Variants in TBX18 observed in about 807,000 individuals in gnomAD.
TBX18 encodes T-box transcription factor 18, also known as T-box transcription factor TBX18.
Under a neutral mutation model 55.0 loss-of-function variants are expected in TBX18, and 21 were observed. The observed-to-expected ratio is 0.38, with a 90% confidence interval of 0.27 to 0.55. The LOEUF is 0.55. Among genes scored for constraint, TBX18 ranks in the 20% least tolerant of loss-of-function variants. TBX18 has a pLI of 0.73. For missense variants in TBX18, 840 were observed against 799.6 expected, an observed-to-expected ratio of 1.05 and a Z score of -0.61; for synonymous variants, 342 against 326.1, an observed-to-expected ratio of 1.05 and a Z score of -0.53.
chr6:84,744,118 T>C lies in TBX18; in HGVS notation c.1004+143A>G, dbSNP rs1767119002. ...GACACCATTACACTACAAAAATAAG[T>C]TATCTCCGAGGCACAACAGTCCTCA... On this transcript the variant is annotated intron_variant, in intron 6 of 7. Transcript: ENST00000369663. 4.0e-6 allele frequency: 3 copies of C among 747,218 alleles called. No homozygotes were observed. The East Asian group carries it at 8.3e-5, about 21-fold the overall frequency. The allele number at this position is 747,218 out of a possible 1,614,324, so 46.3% of individuals were successfully genotyped here.
At chr6:84,738,066 A>G (rs926707042) in intron 7 of TBX18, among the ~76,000 whole-genome samples, 2 of 152,162 alleles carry the variant, frequency 1.3e-5, no homozygotes, top group Admixed American at 6.5e-5. Context: ...TGAGCCCAGG[A>G]GGGTCTGCCT....
rs1232831436 is a variant in TBX18, at chr6:84,733,187, G to A, written c.*3498C>T. ...AAGTTTATATATCTGTTGAATGTTT[G>A]TATACTTGAATATATTTGTCGATTT... On this transcript the variant is annotated 3_prime_UTR_variant, in exon 8 of 8. Transcript: ENST00000369663. 2 of 152,130 alleles carry A rather than the reference G, an allele frequency of 1.3e-5. No homozygotes were observed. The highest frequency in any genetic ancestry group is 6.6e-5 in the Admixed American group (1 of 15,260). 9.4% of individuals were successfully genotyped at this position (152,130 alleles called of 1,614,324 possible).
intron 5 of TBX18, among the ~76,000 whole-genome samples, chr6:84,747,353 T>C (rs1284037330): frequency 6.6e-6 from 1 of 152,194 alleles, no homozygotes. Flanking sequence ...TTTACCCATA[T>C]AGAAAGGAAA....
rs1295986713 is a variant in TBX18 at position 84,738,597 on chromosome 6, T to C, written c.1005-6A>G. ...CCAAGGCTTCCAAACCCATTCTAAATGGAAAGGGTCAGGATAGGGGTGGAC... is the reference window on the plus strand; with the variant it reads ...CCAAGGCTTCCAAACCCATTCTAAACGGAAAGGGTCAGGATAGGGGTGGAC... On this transcript the variant is annotated splice_polypyrimidine_tract_variant and splice_region_variant and intron_variant, in intron 6 of 7. Transcript: ENST00000369663. 2 of 1,611,964 alleles carry C rather than the reference T, an allele frequency of 1.2e-6. No homozygotes were observed. Among genetic ancestry groups the C allele is most frequent in the Admixed American group, 1.7e-5 (1 of 59,966 alleles).
chr6:84,752,492 T>C (rs1259789125), intron 4 of TBX18, among the ~76,000 whole-genome samples: 1 of 152,206 alleles, frequency 6.6e-6, no homozygotes, highest in East Asian at 1.9e-4. Flanking sequence ...AAGGTAGCCT[T>C]CTTTTTGTTT....
intron 1 of TBX18, chr6:84,763,340 G>A (rs925862920): frequency 3.3e-5 from 15 of 456,676 alleles, no homozygotes; most frequent in Admixed American, 2.3e-4. Flanking sequence ...GCCCAGCAGA[G>A]AAAAGTGTGA....
intron 5 of TBX18, among the ~76,000 whole-genome samples, chr6:84,745,426 C>T (rs935292684): frequency 6.6e-6 from 1 of 152,100 alleles, no homozygotes; most frequent in Non-Finnish European, 1.5e-5. Context: ...TCTAATTACA[C>T]CATCTTGGCT....
intron 6 of TBX18, among the ~76,000 whole-genome samples, chr6:84,740,271 A>G (rs1767013306): frequency 6.6e-6 from 1 of 152,150 alleles, no homozygotes; most frequent in Non-Finnish European, 1.5e-5. Context: ...TTTAGTGGTA[A>G]GGATACTAGA....
At chr6:84,758,441 C>T (rs568348884) in intron 3 of TBX18, among the ~76,000 whole-genome samples, 4 of 150,922 alleles carry the variant, frequency 2.7e-5, no homozygotes, top group African/African-American at 9.7e-5. Context: ...GAAAAAGAAA[C>T]CTTTTTCTTT....
intron 5 of TBX18, among the ~76,000 whole-genome samples, chr6:84,744,968 C>G (rs989441785): frequency 6.6e-6 from 1 of 152,022 alleles, no homozygotes; most frequent in Admixed American, 6.6e-5. Context: ...GTAACCACTA[C>G]TTGAAGGTTC....
intron 5 of TBX18, among the ~76,000 whole-genome samples, chr6:84,745,659 T>G (rs147953504): frequency 6.6e-6 from 1 of 152,252 alleles, no homozygotes; most frequent in African/African-American, 2.4e-5. Flanking sequence ...CAGATCAATA[T>G]AGCTCAATTT....
At chr6:84,757,009 C>A (rs752558510) in intron 3 of TBX18, 140 bp from the exon 4 acceptor site, 33 of 909,280 alleles carry the variant, frequency 3.6e-5, no homozygotes, top group Non-Finnish European at 4.8e-5. Flanking sequence ...AATAAAATTT[C>A]AAGCGCTTTT....
intron 5 of TBX18, among the ~76,000 whole-genome samples, 197 bp from the exon 6 acceptor site, chr6:84,744,522 C>T (rs951563120): frequency 6.6e-6 from 1 of 152,106 alleles, no homozygotes; most frequent in Non-Finnish European, 1.5e-5. Flanking sequence ...CATTCATCTG[C>T]TCTAAAAAAG....
In TBX18 at chr6:84,732,728, G is replaced by C. The variant is rs775431468; in HGVS notation, c.*3957C>G. On this transcript the variant is annotated 3_prime_UTR_variant, in exon 8 of 8. Coordinates refer to ENST00000369663, the MANE Select transcript of TBX18 (RefSeq NM_001080508.3). ...CTAAAATTTATCCTGTAAAACTAAAGCACAGTTCCATTTAAAGGATAAATT... is the reference window on the plus strand; with the variant it reads ...CTAAAATTTATCCTGTAAAACTAAACCACAGTTCCATTTAAAGGATAAATT... 3.3e-5 allele frequency: 5 copies of C among 151,746 alleles called. No homozygotes were observed. Among genetic ancestry groups the C allele is most frequent in the Non-Finnish European group, 7.4e-5 (5 of 67,924 alleles). 9.4% of individuals were successfully genotyped at this position (151,746 alleles called of 1,614,324 possible).
In TBX18 at chr6:84,736,923, A is replaced by G. The variant is rs1766881383; in HGVS notation, c.1586T>C (p.Leu529Pro). 4 of 1,612,332 alleles carry G rather than the reference A, an allele frequency of 2.5e-6. No individual in the cohort carries two copies. In the East Asian group the frequency reaches 6.7e-5, roughly 27 times the overall value. The change falls in exon 8 of 8, where the codon CTA becomes CCA. Residue 529 changes from leucine to proline, a missense_variant. By Grantham distance (98) the Leu-to-Pro change is moderately conservative (BLOSUM62 -3). Transcript: ENST00000369663. ...NTFRLHSPCA[L>P]YGYNFSTSPK... Reference sequence around the variant, plus strand: ...GGATGTGGAGAAGTTATATCCATATAGTGCACAGGGGCTGTGTAATCTAAA... The same window carrying G: ...GGATGTGGAGAAGTTATATCCATATGGTGCACAGGGGCTGTGTAATCTAAA...
rs1428969555 is a variant in TBX18 at position 84,733,773 on chromosome 6, A to C, written c.*2912T>G. 1.3e-5 allele frequency: 2 copies of C among 152,214 alleles called. No homozygotes were observed. Among genetic ancestry groups the C allele is most frequent in the Non-Finnish European group, 2.9e-5 (2 of 68,034 alleles). 9.4% of individuals were successfully genotyped at this position (152,214 alleles called of 1,614,324 possible). On this transcript the variant is annotated 3_prime_UTR_variant, in exon 8 of 8. Coordinates refer to ENST00000369663, the MANE Select transcript of TBX18 (RefSeq NM_001080508.3). ...AAGGTGTGAGTTACTGGTAGGATTAAGTCTGGAGGGGTAATGAAGAGCTAT... is the reference window on the plus strand; with the variant it reads ...AAGGTGTGAGTTACTGGTAGGATTACGTCTGGAGGGGTAATGAAGAGCTAT...
intron 6 of TBX18, chr6:84,742,623 AC>A (rs1035087621): frequency 2.0e-4 from 31 of 152,058 alleles, no homozygotes; most frequent in Non-Finnish European, 3.4e-4. Context: ...CAAGCATGTG[AC>A]CCCTGAGTCA....
rs748050169 is a variant in TBX18 at position 84,762,570 on chromosome 6, A to G, written c.471T>C (p.Thr157=). 1.2e-6 allele frequency: 2 copies of G among 1,614,022 alleles called. No individual in the cohort carries two copies. Among genetic ancestry groups the G allele is most frequent in the Non-Finnish European group, 1.7e-6 (2 of 1,180,004 alleles). The change falls in exon 2 of 8, where the codon ACT becomes ACC. Residue 157 remains threonine, a synonymous_variant. Transcript: ENST00000369663. ...ELWKRFHEIG[T]EMIITKAGRR... ...TGCCGGCCTTGGTGATGATCATCTC[A>G]GTGCCTATCTCATGAAAGCGCTTCC...
At chr6:84,750,931 TAGAA>T (rs1464118637) in intron 4 of TBX18, among the ~76,000 whole-genome samples, 1 of 152,190 alleles carries the variant, frequency 6.6e-6, no homozygotes, top group Non-Finnish European at 1.5e-5. Context: ...TTTATCTCAT[TAGAA>T]AGTGATATTC....
Sources: allele counts gnomAD v4.1 joint callset (sites outside exome capture counted in the v4.1 genomes callset), GRCh38; gene constraint gnomAD v4.1.1; transcripts MANE v1.5; gene names NCBI Gene and HGNC (gene_info 2026-07-23, HGNC 2026-07-21).